The following GABRR2 variants were observed in gnomAD, a reference collection of about 807,000 sequenced individuals.
GABRR2 encodes the protein gamma-aminobutyric acid receptor subunit rho-2.
In GABRR2, 36 loss-of-function variants were observed where a neutral mutation model predicts 47.0. The observed-to-expected ratio is 0.77, with a 90% confidence interval of 0.59 to 1.01. The LOEUF (loss-of-function observed/expected upper bound fraction) is 1.01, where lower values mean the gene tolerates loss of function less well. Ranked by LOEUF, GABRR2 falls within the 50% of genes least tolerant of loss-of-function variation. The pLI, the probability that GABRR2 is intolerant of heterozygous loss-of-function variation, is 0.00. For missense variants in GABRR2, 587 were observed against 594.6 expected, an observed-to-expected ratio of 0.99 and a Z score of 0.13; for synonymous variants, 204 against 227.5, an observed-to-expected ratio of 0.90 and a Z score of 0.93.
chr6:89,304,093 A>G (rs1767510742), intron 1 of GABRR2, among the ~76,000 whole-genome samples: 1 of 152,222 alleles, frequency 6.6e-6, no homozygotes, highest in South Asian at 2.1e-4. Flanking sequence ...GCAAAACCAA[A>G]AATTGAGAAA....
At chr6:89,289,952 A>G (rs1464966488) in intron 2 of GABRR2, among the ~76,000 whole-genome samples, 11 of 152,266 alleles carry the variant, frequency 7.2e-5, no homozygotes, top group Non-Finnish European at 2.9e-5. Flanking sequence ...ACCTTGCTTT[A>G]TAACAACCTA....
At position 89,290,607 on chromosome 6, in the gene GABRR2, G is replaced by T. The variant is rs1015826266; in HGVS notation, c.220+9152C>A. Among the ~76,000 whole-genome samples, 4 of 152,250 alleles carry T rather than the reference G, an allele frequency of 2.6e-5. No individual in the cohort carries two copies. In the South Asian group the frequency reaches 6.2e-4, roughly 24 times the overall value. ...TCACAGACTCGACACTCTGAGCCGG[G>T]TGTGGGGCCCGAGCAGGGCCCCTCT... On this transcript the variant is annotated intron_variant, in intron 2 of 8. Transcript: ENST00000402938.
At chr6:89,265,491 G>T (rs912460986) in intron 7 of GABRR2, 122 bp downstream of exon 7, 12 of 1,061,268 alleles carry the variant, frequency 1.1e-5, no homozygotes, top group East Asian at 1.1e-4. Flanking sequence ...ACATGAAGTT[G>T]CTCCTTCTGA....
chr6:89,302,311 G>A, intron 1 of GABRR2: 1 of 563,444 alleles, frequency 1.8e-6, no homozygotes, highest in Non-Finnish European at 3.6e-6. Flanking sequence ...TGTCACTGTG[G>A]TGGAGCCCTA....
chr6:89,265,582 C>T, intron 7 of GABRR2, 31 bp downstream of exon 7: 1 of 1,553,924 alleles, frequency 6.4e-7, no homozygotes. Flanking sequence ...AAAAAATAAC[C>T]ACCCTACCAC....
chr6:89,264,529 G>A lies in GABRR2; in HGVS notation c.969C>T (p.Ala323=), dbSNP rs758854469. ...AGCTGACCCAGAGGTAGATGTCCAC[G>A]GCCTTGACGTAGGAGACGCGCGGCA... ...ASMPRVSYVK[A]VDIYLWVSFV... Residue 323 remains alanine, a synonymous_variant, in exon 8 of 9, where the codon GCC becomes GCT. Transcript: ENST00000402938. 22 of 1,613,988 alleles carry A rather than the reference G, an allele frequency of 1.4e-5. No individual in the cohort carries two copies. Among genetic ancestry groups the A allele is most frequent in the East Asian group, 1.3e-4 (6 of 44,874 alleles).
chr6:89,299,680 C>A (rs527548515), intron 2 of GABRR2, 79 bp downstream of exon 2: 2 of 911,704 alleles, frequency 2.2e-6, no homozygotes, highest in South Asian at 1.3e-5. Flanking sequence ...AAGCGCTGTG[C>A]CAGAGGGAGC....
chr6:89,268,980 G>A lies in GABRR2; in HGVS notation c.512+31C>T, dbSNP rs372349024. The A allele has an allele frequency of 1.8e-5, 29 of 1,590,298 alleles. No homozygotes were observed. The African/African-American group carries it at 3.8e-4, about 21-fold the overall frequency. On this transcript the variant is annotated intron_variant, in intron 4 of 8. Transcript: ENST00000402938. ...GACCACACATACCAGAAAGGCACTG[G>A]ACAGAGGAACAATGGCCCCCAGACA...
intron 2 of GABRR2, among the ~76,000 whole-genome samples, chr6:89,292,278 T>C (rs1774454647): frequency 6.7e-6 from 1 of 149,760 alleles, no homozygotes; most frequent in Non-Finnish European, 1.5e-5. Context: ...ACCAGCATTG[T>C]GCTGGTGGAA....
chr6:89,294,985 G>T (rs188903077), intron 2 of GABRR2, among the ~76,000 whole-genome samples: 1 of 151,996 alleles, frequency 6.6e-6, no homozygotes, highest in African/African-American at 2.4e-5. Flanking sequence ...CTTTTTTATG[G>T]CTGCATTGTA....
intron 6 of GABRR2, 35 bp from the exon 7 acceptor site, chr6:89,265,800 T>C (rs765307747): frequency 1.2e-6 from 2 of 1,606,814 alleles, no homozygotes; most frequent in East Asian, 4.5e-5. Flanking sequence ...TGAGGTTCCA[T>C]CTGAGAGGTG....
chr6:89,255,283 C>T lies in GABRR2; in HGVS notation c.*2387G>A, dbSNP rs1028662401. Among the ~76,000 whole-genome samples the T allele has an allele frequency of 2.0e-5, 3 of 151,992 alleles. No individual in the cohort carries two copies. Among genetic ancestry groups the T allele is most frequent in the African/African-American group, 7.2e-5 (3 of 41,380 alleles). ...GAAACCCCATCTCTACTAAAAAATA[C>T]AAAAGTTAGCCAGGCATGGTGGCGC... On this transcript the variant is annotated 3_prime_UTR_variant, in exon 9 of 9. Coordinates refer to ENST00000402938, the MANE Select transcript of GABRR2 (RefSeq NM_002043.5).
At chr6:89,292,110 T>C (rs866841555) in intron 2 of GABRR2, among the ~76,000 whole-genome samples, 1 of 152,038 alleles carries the variant, frequency 6.6e-6, no homozygotes, top group Non-Finnish European at 1.5e-5. Context: ...TACATATGTG[T>C]CTTATGAAAA....
chr6:89,268,184 G>T, intron 4 of GABRR2, 88 bp from the exon 5 acceptor site: 4 of 922,364 alleles, frequency 4.3e-6, no homozygotes, highest in South Asian at 4.2e-5. Context: ...GCACACAACT[G>T]AGTAGCTGCC....
intron 1 of GABRR2, among the ~76,000 whole-genome samples, chr6:89,308,061 T>A (rs1162003267): frequency 4.6e-5 from 7 of 152,174 alleles, no homozygotes; most frequent in Non-Finnish European, 1.0e-4. Flanking sequence ...GTGATCTACC[T>A]GCCTTGGCCT....
rs1369506225 is a variant in GABRR2 at position 89,268,036 on chromosome 6, G to A, written c.573C>T (p.Thr191=). The A allele has an allele frequency of 1.2e-6, 2 of 1,612,146 alleles. No individual in the cohort carries two copies. The highest frequency in any genetic ancestry group is 2.2e-5 in the East Asian group (1 of 44,838). Residue 191 remains threonine (T), a synonymous_variant, in exon 5 of 9, where the codon ACC becomes ACT. Coordinates refer to ENST00000402938, the MANE Select transcript of GABRR2 (RefSeq NM_002043.5). ...DFSHFPLDSQ[T]CSLELESYAY... is the part of the protein sequence containing the mutation. ...TACAGCTCTCCAGCTCCAAAGAACA[G>A]GTCTGGGAGTCCAGGGGAAAGTGGC...
intron 8 of GABRR2, among the ~76,000 whole-genome samples, chr6:89,261,031 G>A (rs998566485): frequency 1.3e-5 from 2 of 152,128 alleles, no homozygotes; most frequent in Non-Finnish European, 2.9e-5. Context: ...GAGACTTAGC[G>A]GCCTGAGGCC....
chr6:89,264,499 C>T lies in GABRR2; in HGVS notation c.999G>A (p.Val333=), dbSNP rs1773834610. ...AVDIYLWVSF[V]FVFLSVLEYA... is the part of the protein sequence containing the mutation. ...ACTCCAGCACCGAGAGGAACACGAA[C>T]ACAAAGCTGACCCAGAGGTAGATGT... The change falls in exon 8 of 9, where the codon GTG becomes GTA. Residue 333 remains valine, a synonymous_variant. Transcript: ENST00000402938. 1 of 1,614,122 alleles carries T rather than the reference C, an allele frequency of 6.2e-7. No individual in the cohort carries two copies. The highest frequency in any genetic ancestry group is 8.5e-7 in the Non-Finnish European group (1 of 1,180,010).
chr6:89,285,477 T>C (rs1467116700), intron 2 of GABRR2, among the ~76,000 whole-genome samples: 2 of 152,086 alleles, frequency 1.3e-5, no homozygotes, highest in Non-Finnish European at 2.9e-5. Flanking sequence ...GAGCATGCGA[T>C]TGCGGGTGGG....
Sources: gnomAD v4.1 joint callset for allele counts (sites outside exome capture counted in the v4.1 genomes callset) on GRCh38, gnomAD v4.1.1 for gene constraint, MANE v1.5 for transcripts, NCBI Gene and HGNC (gene_info 2026-07-23, HGNC 2026-07-21) for gene names.